SP110: variants seen among roughly 807,000 people sequenced by gnomAD.
SP110 encodes interferon-induced protein 41, 30kD.
SP110 carries 62 observed loss-of-function variants against 92.7 expected under a neutral mutation model. The observed-to-expected ratio is 0.67, with a 90% CI of 0.55 to 0.83. The LOEUF (loss-of-function observed/expected upper bound fraction) is 0.83. Among genes scored for constraint, SP110 ranks in the 40% least tolerant of loss-of-function variants. SP110 has a pLI of 0.00. For synonymous variants in SP110, 273 were observed against 305.3 expected, an observed-to-expected ratio of 0.89 and a Z score of 1.10; for missense variants, 793 against 863.9, an observed-to-expected ratio of 0.92 and a Z score of 1.03.
chr2:230,172,682 G>A, intron 15 of SP110, 162 bp downstream of exon 15: 1 of 622,048 alleles, frequency 1.6e-6, no homozygotes, highest in Non-Finnish European at 2.9e-6. Context: ...AAGCAGTGTG[G>A]GGCCAAGAGG....
Position 230,172,188 on chromosome 2 carries a change from C to T in SP110, c.1707-14G>A. Reference sequence around the variant, plus strand: ...CTCCACAGCATCCTGAGAGGTTGGACACAAGGTGAGCAGAGGGCAAAGCCC... The same window carrying T: ...CTCCACAGCATCCTGAGAGGTTGGATACAAGGTGAGCAGAGGGCAAAGCCC... On this transcript the variant is annotated splice_polypyrimidine_tract_variant and intron_variant, in intron 15 of 18. Coordinates refer to ENST00000258381, the MANE Select transcript of SP110 (RefSeq NM_080424.4). The T allele has an allele frequency of 6.5e-7, 1 of 1,528,738 alleles. No individual in the cohort carries two copies. Among genetic ancestry groups the T allele is most frequent in the Non-Finnish European group, 9.1e-7 (1 of 1,101,536 alleles). 94.7% of individuals were successfully genotyped at this position (1,528,738 alleles called of 1,614,324 possible).
chr2:230,179,052 AG>A (rs1401186113), intron 12 of SP110, among the ~76,000 whole-genome samples: 1 of 152,242 alleles, frequency 6.6e-6, no homozygotes, highest in Admixed American at 6.5e-5. Context: ...AAATGAATCT[AG>A]GAGAACACCT....
chr2:230,217,486 A>C (rs886667316), intron 1 of SP110, among the ~76,000 whole-genome samples: 11 of 152,192 alleles, frequency 7.2e-5, no homozygotes, highest in African/African-American at 2.7e-4. Flanking sequence ...GCAGGTAAAC[A>C]TAAGGAAGGT....
At chr2:230,205,749 G>A (rs2043713047) in intron 8 of SP110, among the ~76,000 whole-genome samples, 1 of 152,222 alleles carries the variant, frequency 6.6e-6, no homozygotes, top group South Asian at 2.1e-4. Context: ...AGACTGTAGT[G>A]TCAATGGGAG....
In SP110 at chr2:230,212,962, C is replaced by T; in HGVS notation, c.382G>A (p.Ala128Thr). The change falls in exon 4 of 19, where the codon GCA becomes ACA. Residue 128 changes from alanine to threonine, a missense_variant. Physicochemically the swap from Ala to Thr is moderately conservative, Grantham distance 58. Coordinates refer to ENST00000258381, the MANE Select transcript of SP110 (RefSeq NM_080424.4). ...PILLEAPTGL[A>T]EGSSLHTPLA... is the part of the protein sequence containing the mutation. ...GGGGTATGGAGGGAGCTTCCTTCTG[C>T]TAGGCCAGTTGGGGCTTCAAGTAGG... The T allele has an allele frequency of 6.2e-7, 1 of 1,614,076 alleles. No individual in the cohort carries two copies. Among genetic ancestry groups the T allele is most frequent in the Non-Finnish European group, 8.5e-7 (1 of 1,179,982 alleles).
rs1162297857 is a variant in SP110, at chr2:230,216,920, G to A, written c.8C>T (p.Thr3Ile). The change falls in exon 2 of 19, where the codon ACC (threonine) becomes ATC (isoleucine). Residue 3 changes from threonine to isoleucine, a missense_variant. By Grantham distance (89) the Thr-to-Ile change is moderately conservative. Coordinates refer to ENST00000258381, the MANE Select transcript of SP110 (RefSeq NM_080424.4). ...AGCCTCTTCCATGGCTCTTGTCATGGTGAACATCCTATGGAAAGAGGCATG... is the reference window on the plus strand; with the variant it reads ...AGCCTCTTCCATGGCTCTTGTCATGATGAACATCCTATGGAAAGAGGCATG... MFTMTRAMEEALF... is the reference protein window; with the variant it reads MFIMTRAMEEALF... 1 of 1,613,424 alleles carries A rather than the reference G, an allele frequency of 6.2e-7. No homozygotes were observed. The highest frequency in any genetic ancestry group is 1.7e-5 in the Admixed American group (1 of 59,978).
intron 10 of SP110, among the ~76,000 whole-genome samples, chr2:230,192,081 A>G (rs1486047571): frequency 1.3e-5 from 2 of 152,160 alleles, no homozygotes; most frequent in African/African-American, 4.8e-5. Flanking sequence ...ATAAAATTCT[A>G]CATCCCTTCA....
intron 17 of SP110, 96 bp from the exon 18 acceptor site, chr2:230,170,857 A>G: frequency 7.9e-7 from 1 of 1,268,434 alleles, no homozygotes; most frequent in Non-Finnish European, 1.1e-6. Flanking sequence ...TTCCAGGGTC[A>G]TAATGATAAT....
chr2:230,178,120 C>G (rs1391941961), intron 13 of SP110, 37 bp downstream of exon 13: 1 of 1,295,960 alleles, frequency 7.7e-7, no homozygotes, highest in African/African-American at 1.5e-5. Flanking sequence ...AGTCCTTCAT[C>G]TAGGGATTCC....
intron 10 of SP110, among the ~76,000 whole-genome samples, chr2:230,190,456 A>T (rs2042568480): frequency 6.6e-6 from 1 of 151,938 alleles, no homozygotes; most frequent in African/African-American, 2.4e-5. Context: ...CTGGATATTA[A>T]ACCTTTGTCA....
Position 230,212,341 on chromosome 2 carries a change from T to C in SP110, c.667+6A>G. On this transcript the variant is annotated splice_donor_region_variant and intron_variant, in intron 5 of 18. Coordinates refer to ENST00000258381, the MANE Select transcript of SP110 (RefSeq NM_080424.4). The stretch of plus-strand genomic sequence containing the variant: ...GCTAAGCGGTATCAGCCCCAGTCAG[T>C]GTTACCTTGCACAGTGCTAGTGAGG... 1 of 1,604,016 alleles carries C rather than the reference T, an allele frequency of 6.2e-7. No homozygotes were observed. The highest frequency in any genetic ancestry group is 8.5e-7 in the Non-Finnish European group (1 of 1,170,694).
chr2:230,172,906 G>A lies in SP110; in HGVS notation c.1644C>T (p.Cys548=), dbSNP rs765446789. ...EVCCQGGQLL[C]CGTCPRVFHE... ...GGAAGACTCGTGGACAAGTACCGCA[G>A]CAGAGAAGTTGTCCCCCTTGACAGC... Residue 548 remains cysteine (C), a synonymous_variant, in exon 15 of 19, where the codon TGC becomes TGT. Transcript: ENST00000258381. 102 of 1,614,086 alleles carry A rather than the reference G, an allele frequency of 6.3e-5. No homozygotes were observed. Among genetic ancestry groups the A allele is most frequent in the Non-Finnish European group, 8.6e-5 (102 of 1,180,014 alleles).
intron 7 of SP110, 53 bp from the exon 8 acceptor site, chr2:230,208,112 G>T: frequency 2.0e-6 from 2 of 999,768 alleles, no homozygotes; most frequent in South Asian, 1.3e-5. Flanking sequence ...TCCCAATCTT[G>T]TATGTCAATG....
At position 230,183,562 on chromosome 2, in the gene SP110, G is replaced by A; in HGVS notation, c.1348+10C>T. 6.3e-7 allele frequency: 1 copy of A among 1,599,572 alleles called. No individual in the cohort carries two copies. On this transcript the variant is annotated intron_variant, in intron 12 of 18. Coordinates refer to ENST00000258381, the MANE Select transcript of SP110 (RefSeq NM_080424.4). ...GCCCAGTGGGGAGGCGCTGTGGCTT[G>A]CTTGCTTACCTCTTCGGTGAATATT...
At position 230,172,889 on chromosome 2, in the gene SP110, C is replaced by T. The variant is rs199745658; in HGVS notation, c.1661G>A (p.Arg554Gln). ...GATGTGACAGTCCTCATGGAAGACT[C>T]GTGGACAAGTACCGCAGCAGAGAAG... ...GQLLCCGTCP[R>Q]VFHEDCHIPP... is the part of the protein sequence containing the mutation. The change falls in exon 15 of 19, where the codon CGA becomes CAA. Residue 554 changes from arginine (R) to glutamine (Q), a missense_variant. Transcript: ENST00000258381. 1.9e-6 allele frequency: 3 copies of T among 1,613,990 alleles called. No individual in the cohort carries two copies. The highest frequency in any genetic ancestry group is 2.5e-6 in the Non-Finnish European group (3 of 1,179,976).
intron 10 of SP110, among the ~76,000 whole-genome samples, chr2:230,195,997 C>A (rs956482703): frequency 1.2e-4 from 18 of 152,144 alleles, no homozygotes; most frequent in African/African-American, 4.3e-4. Flanking sequence ...GAAATCATCT[C>A]TATATTACTA....
At chr2:230,207,908 A>C (rs1435945015) in intron 8 of SP110, 83 bp downstream of exon 8, 1 of 727,564 alleles carries the variant, frequency 1.4e-6, no homozygotes, top group African/African-American at 1.8e-5. Context: ...ATTTAGAATA[A>C]AATTCAACCC....
At chr2:230,209,068 T>G (rs2044185827) in intron 7 of SP110, among the ~76,000 whole-genome samples, 3 of 152,216 alleles carry the variant, frequency 2.0e-5, no homozygotes, top group African/African-American at 7.2e-5. Context: ...TATTTTTGAT[T>G]CTTTTTCTTT....
chr2:230,218,372 C>T (rs1005035045), intron 1 of SP110, among the ~76,000 whole-genome samples: 3 of 152,092 alleles, frequency 2.0e-5, no homozygotes, highest in Non-Finnish European at 2.9e-5. Context: ...AATCCGCAAT[C>T]GCATAGGAAA....
Sources: gnomAD v4.1 joint callset for allele counts (sites outside exome capture counted in the v4.1 genomes callset) on GRCh38, gnomAD v4.1.1 for gene constraint, MANE v1.5 for transcripts, NCBI Gene and HGNC (gene_info 2026-07-23, HGNC 2026-07-21) for gene names.